The following TRIM5 variants were observed in gnomAD, a reference collection of about 807,000 sequenced individuals.
TRIM5 encodes the protein tripartite motif-containing protein 5.
A neutral mutation model predicts 35.6 loss-of-function variants in TRIM5; 31 were observed. The observed-to-expected ratio is 0.87, with a 90% CI of 0.65 to 1.18. The LOEUF (loss-of-function observed/expected upper bound fraction) is 1.18, where lower values mean the gene tolerates loss of function less well. Ranked by LOEUF, TRIM5 falls within the 50% of genes most tolerant of loss-of-function variation. The pLI, the probability that TRIM5 is intolerant of heterozygous loss-of-function variation, is 0.00. For synonymous variants in TRIM5, 243 were observed against 215.6 expected, an observed-to-expected ratio of 1.13 and a Z score of -1.11; for missense variants, 609 against 591.6, an observed-to-expected ratio of 1.03 and a Z score of -0.31.
At chr11:5,634,948 G>C in the TRIM5 span, 57 of 1,450,692 alleles carry the variant, frequency 3.9e-5, no homozygotes, top group Non-Finnish European at 5.2e-5. Flanking sequence ...ACACTAAGGG[G>C]TTTCTTTGGC....
intron 1 of TRIM5, among the ~76,000 whole-genome samples, chr11:5,682,851 TGAG>T (rs369824868): frequency 0.019 from 2,970 of 152,332 alleles, 98 homozygotes; most frequent in African/African-American, 0.068. Context: ...TGGCGGCACT[TGAG>T]GAGCTCTTCA....
At chr11:5,631,822 G>A in the TRIM5 span, among the ~76,000 whole-genome samples, 1 of 152,114 alleles carries the variant, frequency 6.6e-6, no homozygotes. Context: ...GGCTATAGCA[G>A]TAAAAAGACA....
the TRIM5 span, among the ~76,000 whole-genome samples, chr11:5,657,683 T>C: frequency 9.1e-5 from 12 of 131,580 alleles, no homozygotes; most frequent in Admixed American, 1.8e-4. Context: ...ATAATATATA[T>C]ATATTTATAA....
At chr11:5,603,098 C>T in the TRIM5 span, 4 of 1,356,518 alleles carry the variant, frequency 2.9e-6, no homozygotes, top group South Asian at 6.4e-5. Context: ...CTTGTATGAG[C>T]CGGGATAAAG....
At chr11:5,603,111 C>T in the TRIM5 span, 57 of 1,412,634 alleles carry the variant, frequency 4.0e-5, no homozygotes, top group Non-Finnish European at 5.1e-5. Flanking sequence ...GGATAAAGAA[C>T]GTATTGGATA....
At chr11:5,675,568 C>T (rs57817164) in intron 4 of TRIM5, among the ~76,000 whole-genome samples, 2,937 of 152,070 alleles carry the variant, frequency 0.019, 101 homozygotes, top group African/African-American at 0.067. Flanking sequence ...CCCAGAATCT[C>T]TGCCCGAAAC....
At chr11:5,632,559 C>G in the TRIM5 span, 1 of 1,613,842 alleles carries the variant, frequency 6.2e-7, no homozygotes, top group South Asian at 1.1e-5. Flanking sequence ...ATCTGGCCAA[C>G]ATAGTGGAGA....
chr11:5,613,002 C>T, the TRIM5 span: 1 of 152,170 alleles, frequency 6.6e-6, no homozygotes, highest in Non-Finnish European at 1.5e-5. Context: ...CTTAAAATTA[C>T]ATATGTGGCT....
At chr11:5,627,810 A>G in the TRIM5 span, among the ~76,000 whole-genome samples, 1 of 152,214 alleles carries the variant, frequency 6.6e-6, no homozygotes, top group Non-Finnish European at 1.5e-5. Context: ...ATCCAGAAGA[A>G]GTGTCTAGGA....
the TRIM5 span, chr11:5,611,014 T>G: frequency 1.4e-5 from 22 of 1,614,114 alleles, no homozygotes; most frequent in African/African-American, 2.9e-4. Flanking sequence ...GGACCTACAT[T>G]CTCTTTCAAC....
chr11:5,642,673 C>T, the TRIM5 span: 1 of 1,324,490 alleles, frequency 7.6e-7, no homozygotes, highest in Non-Finnish European at 9.9e-7. Context: ...GGAAAAATGG[C>T]TAGGTCTCTG....
chr11:5,666,024 C>A lies in TRIM5; in HGVS notation c.825G>T (p.Val275=). The A allele has an allele frequency of 6.2e-7, 1 of 1,613,016 alleles. No individual in the cohort carries two copies. The highest frequency in any genetic ancestry group is 8.5e-7 in the Non-Finnish European group (1 of 1,179,714). ...PETFPKNQRR[V]FRAPDLKGML... ...TTCCTTTCAGATCAGGAGCTCGAAA[C>A]ACTCTCCTTTGATTTTTTGGAAAAG... The change falls in exon 6 of 8, where the codon GTG becomes GTT. Residue 275 remains valine (V), a synonymous_variant. Transcript: ENST00000380034.
the TRIM5 span, chr11:5,644,463 T>C: frequency 7.7e-6 from 3 of 388,406 alleles, no homozygotes. Context: ...TAGTTGATTT[T>C]ACTGAAGTCT....
the TRIM5 span, chr11:5,612,944 T>C: frequency 1.4e-4 from 22 of 152,232 alleles, no homozygotes; most frequent in African/African-American, 5.3e-4. Flanking sequence ...AAGTATGTTA[T>C]TCATTTTACC....
At chr11:5,605,247 A>G in the TRIM5 span, 8 of 1,563,062 alleles carry the variant, frequency 5.1e-6, no homozygotes, top group Middle Eastern at 1.9e-4. Context: ...GGCCCAGGAA[A>G]GCAGTCCTGA....
chr11:5,620,698 C>A, the TRIM5 span, among the ~76,000 whole-genome samples: 1 of 152,122 alleles, frequency 6.6e-6, no homozygotes, highest in Admixed American at 6.6e-5. Context: ...GTGGGAGGGG[C>A]AGAAGTACTG....
the TRIM5 span, among the ~76,000 whole-genome samples, chr11:5,649,188 A>G: frequency 6.6e-6 from 1 of 152,234 alleles, no homozygotes. Flanking sequence ...GATGTCTATT[A>G]TGTAACACCA....
At chr11:5,603,146 C>A in the TRIM5 span, 1 of 1,511,844 alleles carries the variant, frequency 6.6e-7, no homozygotes, top group East Asian at 2.3e-5. Context: ...CCTTGTTACC[C>A]CAGGTGTCTG....
At chr11:5,672,717 A>C (rs1219768344) in intron 4 of TRIM5, among the ~76,000 whole-genome samples, 1 of 152,202 alleles carries the variant, frequency 6.6e-6, no homozygotes, top group Non-Finnish European at 1.5e-5. Flanking sequence ...TTACAAAGTA[A>C]TTCAATACTA....
Sources: gnomAD v4.1 joint callset for allele counts (sites outside exome capture counted in the v4.1 genomes callset) on GRCh38, gnomAD v4.1.1 for gene constraint, MANE v1.5 for transcripts, NCBI Gene and HGNC (gene_info 2026-07-23, HGNC 2026-07-21) for gene names.